Variants in NMT1 observed in about 807,000 individuals in gnomAD.
NMT1 encodes the protein N-myristoyltransferase 1.
NMT1 carries 12 observed loss-of-function variants against 63.4 expected under a neutral mutation model. The ratio of observed to expected loss-of-function variants is 0.19; its 90% CI spans 0.12 to 0.31. The LOEUF (loss-of-function observed/expected upper bound fraction) is 0.31, where lower values mean the gene tolerates loss of function less well. NMT1 is among the 10% of genes least tolerant of loss of function. The pLI is 1.00. For synonymous variants in NMT1, 228 were observed against 234.3 expected, an observed-to-expected ratio of 0.97 and a Z score of 0.25; for missense variants, 432 against 634.6, an observed-to-expected ratio of 0.68 and a Z score of 3.43.
At chr17:45,098,290 T>G in intron 6 of NMT1, 92 bp from the exon 7 acceptor site, 1 of 1,222,392 alleles carries the variant, frequency 8.2e-7, no homozygotes, top group Non-Finnish European at 1.2e-6. Flanking sequence ...GCTGCAGACC[T>G]GGTCCTTCTA....
intron 1 of NMT1, among the ~76,000 whole-genome samples, chr17:45,074,494 C>T (rs1001879131): frequency 2.0e-5 from 3 of 152,196 alleles, no homozygotes; most frequent in African/African-American, 4.8e-5. Context: ...GCTGGTATTA[C>T]AGGCGTGAGC....
At chr17:45,094,194 T>C (rs1239866822) in intron 4 of NMT1, among the ~76,000 whole-genome samples, 1 of 151,964 alleles carries the variant, frequency 6.6e-6, no homozygotes, top group Non-Finnish European at 1.5e-5. Flanking sequence ...ATTTCCCTTA[T>C]AAAGAATGAT....
At chr17:45,097,748 G>A (rs1055767849) in intron 6 of NMT1, among the ~76,000 whole-genome samples, 11 of 152,202 alleles carry the variant, frequency 7.2e-5, no homozygotes, top group Admixed American at 6.5e-4. Context: ...GGGTTCAAAC[G>A]ATTCTCCTGC....
intron 2 of NMT1, among the ~76,000 whole-genome samples, chr17:45,085,408 C>G (rs17746351): frequency 0.4 from 61,143 of 152,052 alleles, 12,941 homozygotes; most frequent in African/African-American, 0.44. Context: ...CTGGAAAGGT[C>G]TCTAAGACAG....
At position 45,103,543 on chromosome 17, in the gene NMT1, C is replaced by T. The variant is rs1260001008; in HGVS notation, c.1165-166C>T. On this transcript the variant is annotated intron_variant, in intron 9 of 11. Transcript: ENST00000258960. The surrounding 1 kb of genome is among the most constrained non-coding windows in gnomAD (Gnocchi z 4.8). The stretch of plus-strand genomic sequence containing the variant: ...ACGATCACGGCTCTGTCCTCAAGTG[C>T]CCTGAGCCAATGTCCCTCCTCCTCC... Among the ~76,000 whole-genome samples the T allele has an allele frequency of 6.6e-6, 1 of 152,130 alleles. No homozygotes were observed. The highest frequency in any genetic ancestry group is 1.5e-5 in the Non-Finnish European group (1 of 68,032).
rs546983794 is a variant in NMT1 at position 45,075,053 on chromosome 17, G to A, written c.132-6591G>A. On this transcript the variant is annotated intron_variant, in intron 1 of 11. Transcript: ENST00000258960. ...TAGCCAGGCATGGTGGTGCACACCT[G>A]TAGCCCCAATTACTCAGGATGCTGA... 2.6e-5 allele frequency among the ~76,000 whole-genome samples: 4 copies of A among 152,246 alleles called. No homozygotes were observed. The South Asian group carries it at 8.3e-4, about 32-fold the overall frequency.
intron 4 of NMT1, among the ~76,000 whole-genome samples, chr17:45,094,779 T>C (rs1007865972): frequency 4.7e-5 from 7 of 149,048 alleles, no homozygotes; most frequent in African/African-American, 1.7e-4. Context: ...CCTCCCAAAG[T>C]GCTGGGATTA....
chr17:45,079,117 T>TTC (rs1555605443), intron 1 of NMT1, among the ~76,000 whole-genome samples: 4 of 149,752 alleles, frequency 2.7e-5, no homozygotes, highest in Admixed American at 6.7e-5. Context: ...TTTTTTTTTT[T>TTC]CCCCAAGATG....
chr17:45,105,536 T>C lies in NMT1; in HGVS notation c.1471-83T>C. On this transcript the variant is annotated intron_variant, in intron 11 of 11. Transcript: ENST00000258960. This position sits in a 1 kb window ranked among gnomAD's most constrained non-coding sequence, Gnocchi z 4.2. Reference sequence around the variant, plus strand: ...AGGCGGTGGACCCGGGCCCAGCCACTCGGAACTTCAGGGATAGGGGGTGTG... The same window carrying C: ...AGGCGGTGGACCCGGGCCCAGCCACCCGGAACTTCAGGGATAGGGGGTGTG... The C allele has an allele frequency of 6.6e-7, 1 of 1,524,166 alleles. No individual in the cohort carries two copies. Among genetic ancestry groups the C allele is most frequent in the Non-Finnish European group, 9.1e-7 (1 of 1,101,418 alleles). 94.4% of individuals were successfully genotyped at this position (1,524,166 alleles called of 1,614,324 possible).
chr17:45,075,411 G>A (rs2053970944), intron 1 of NMT1, among the ~76,000 whole-genome samples: 1 of 150,254 alleles, frequency 6.7e-6, no homozygotes, highest in Non-Finnish European at 1.5e-5. Context: ...CTTGAACCTG[G>A]GAGGTGGAGG....
At chr17:45,070,087 T>C (rs977690525) in intron 1 of NMT1, among the ~76,000 whole-genome samples, 3 of 152,204 alleles carry the variant, frequency 2.0e-5, no homozygotes, top group African/African-American at 7.2e-5. Context: ...CCAGAGCTTT[T>C]GTGACCTCTA....
intron 3 of NMT1, among the ~76,000 whole-genome samples, chr17:45,092,909 C>T (rs958482689): frequency 2.6e-5 from 4 of 152,098 alleles, no homozygotes; most frequent in African/African-American, 9.7e-5. Flanking sequence ...TGAGTGAGCC[C>T]ATTGTAGAAC....
At chr17:45,088,414 A>G (rs970611408) in intron 3 of NMT1, among the ~76,000 whole-genome samples, 8 of 152,334 alleles carry the variant, frequency 5.3e-5, no homozygotes, top group Non-Finnish European at 1.0e-4. Context: ...GGAATTTGCA[A>G]ATGAGTAACC....
rs1040300793 is a variant in NMT1 at position 45,106,800 on chromosome 17, C to T, written c.*1161C>T. The T allele has an allele frequency of 3.3e-5, 5 of 152,660 alleles. No homozygotes were observed. Among genetic ancestry groups the T allele is most frequent in the African/African-American group, 9.6e-5 (4 of 41,466 alleles). 9.5% of individuals were successfully genotyped at this position (152,660 alleles called of 1,614,324 possible). A position where few individuals can be genotyped will look rare whatever the true frequency, so the allele number is the denominator to read the frequency against. On this transcript the variant is annotated 3_prime_UTR_variant, in exon 12 of 12. Coordinates refer to ENST00000258960, the MANE Select transcript of NMT1 (RefSeq NM_021079.5). ...TTAGAGGCAGATCTGGACTTGGCAA[C>T]AGAAGTGGTTTCCCATCTCCATTGT... is the stretch of plus-strand genomic sequence containing the variant.
At chr17:45,097,308 T>A in intron 6 of NMT1, 64 bp downstream of exon 6, 1 of 1,260,076 alleles carries the variant, frequency 7.9e-7, no homozygotes, top group Non-Finnish European at 1.2e-6. Flanking sequence ...TGGGAGAGAG[T>A]AGAAAAAGGC....
chr17:45,098,747 G>T, intron 7 of NMT1, 195 bp downstream of exon 7: 1 of 544,058 alleles, frequency 1.8e-6, no homozygotes, highest in Non-Finnish European at 3.3e-6. Flanking sequence ...TGGCAGATTG[G>T]CAAGTCCCTG....
At chr17:45,067,167 A>AT (rs34041488) in intron 1 of NMT1, among the ~76,000 whole-genome samples, 848 of 141,324 alleles carry the variant, frequency 6.0e-3, no homozygotes, top group South Asian at 0.012. Context: ...GTTTAATTTG[A>AT]TTTTTTTTTT....
At position 45,061,329 on chromosome 17, in the gene NMT1, G is replaced by C; in HGVS notation, c.-1G>C. The C allele has an allele frequency of 1.9e-6, 3 of 1,613,372 alleles. No individual in the cohort carries two copies. Among genetic ancestry groups the C allele is most frequent in the Non-Finnish European group, 2.5e-6 (3 of 1,179,718 alleles). ...GCGGAGCCCTGCTCTCGCAACTCAA[G>C]ATGGCGGACGAGAGTGAGACAGCAG... On this transcript the variant is annotated 5_prime_UTR_variant, in exon 1 of 12. Transcript: ENST00000258960.
intron 1 of NMT1, among the ~76,000 whole-genome samples, chr17:45,067,291 G>T (rs968305414): frequency 4.6e-5 from 7 of 151,934 alleles, no homozygotes; most frequent in African/African-American, 9.7e-5. Context: ...GAACAAAAAA[G>T]AACTTTTAGA....
Sources: gnomAD v4.1 joint callset for allele counts (sites outside exome capture counted in the v4.1 genomes callset) on GRCh38, gnomAD v4.1.1 for gene constraint, Gnocchi (gnomAD v3.1) non-coding constraint, MANE v1.5 for transcripts, NCBI Gene and HGNC (gene_info 2026-07-23, HGNC 2026-07-21) for gene names.